TRANK1: variants seen among roughly 807,000 people sequenced by gnomAD.
The protein encoded by TRANK1 is tetratricopeptide repeat and ankyrin repeat containing 1, also known as TPR and ankyrin repeat-containing protein 1.
In TRANK1, 198 loss-of-function variants were observed where a neutral mutation model predicts 266.0. The observed-to-expected ratio is 0.74, with a 90% CI of 0.66 to 0.84. The LOEUF is 0.84. Ranked by LOEUF, TRANK1 falls within the 40% of genes least tolerant of loss-of-function variation. The pLI is 0.00. For missense variants in TRANK1, 3,326 were observed against 3,634.6 expected, an observed-to-expected ratio of 0.92 and a Z score of 2.18; for synonymous variants, 1,396 against 1,384.1, an observed-to-expected ratio of 1.01 and a Z score of -0.19.
intron 2 of TRANK1, among the ~76,000 whole-genome samples, chr3:36,905,842 T>C (rs966610930): frequency 3.3e-5 from 5 of 152,204 alleles, no homozygotes; most frequent in Non-Finnish European, 7.3e-5. Flanking sequence ...CTCAGTCCCC[T>C]TTCTCCTGCA....
intron 9 of TRANK1, among the ~76,000 whole-genome samples, chr3:36,870,010 C>A (rs888922785): frequency 6.6e-6 from 1 of 152,228 alleles, no homozygotes; most frequent in East Asian, 1.9e-4. Context: ...TAACTCTATA[C>A]AACTCTCTGG....
At chr3:36,889,710 T>G in intron 8 of TRANK1, 119 bp downstream of exon 8, 5 of 1,346,788 alleles carry the variant, frequency 3.7e-6, no homozygotes, top group Non-Finnish European at 4.8e-6. Flanking sequence ...CAAGGGGAAG[T>G]TTAGCCCTCT....
intron 15 of TRANK1, among the ~76,000 whole-genome samples, chr3:36,849,776 T>C (rs1349388762): frequency 6.6e-6 from 1 of 152,204 alleles, no homozygotes; most frequent in Non-Finnish European, 1.5e-5. Context: ...CCCTTTGGCC[T>C]GGAGGTTGTA....
At chr3:36,841,401 CG>C (rs1437917090) in intron 18 of TRANK1, among the ~76,000 whole-genome samples, 2 of 152,172 alleles carry the variant, frequency 1.3e-5, no homozygotes, top group Non-Finnish European at 2.9e-5. Context: ...TGCATGCATG[CG>C]GAACTCCAGG....
rs2079840388 is a variant in TRANK1, at chr3:36,899,254, G to A, written c.288C>T (p.Tyr96=). Residue 96 remains tyrosine, a synonymous_variant, in exon 4 of 24, where the codon TAC becomes TAT. Coordinates refer to ENST00000645898, the MANE Select transcript of TRANK1 (RefSeq NM_001329998.2). ...TCAGCAAGGAATAACCAGCTCGGTA[G>A]TATCCCTGGAACAGGATAAAAAGCA... is the stretch of plus-strand genomic sequence containing the variant. The part of the protein sequence containing the change: ...LQWDPTYVKG[Y]YRAGYSLLRL... 12 of 1,537,250 alleles carry A rather than the reference G, an allele frequency of 7.8e-6. No individual in the cohort carries two copies. The highest frequency in any genetic ancestry group is 4.9e-5 in the East Asian group (2 of 40,916).
At chr3:36,852,370 T>C (rs747247535) in intron 13 of TRANK1, 25 bp from the exon 14 acceptor site, 1 of 1,529,866 alleles carries the variant, frequency 6.5e-7, no homozygotes. Flanking sequence ...AAAACCCAAG[T>C]TGGATAATTA....
At chr3:36,900,869 A>AAAAAAAAAAAAAAAAAAAAAAAAAAAC (rs2079868266) in intron 3 of TRANK1, among the ~76,000 whole-genome samples, 1 of 125,152 alleles carries the variant, frequency 8.0e-6, no homozygotes, top group Non-Finnish European at 1.7e-5. Context: ...AAAAAAAAAA[A>AAAAAAAAAAAAAAAAAAAAAAAAAAAC]AAAAAAAGAT....
chr3:36,834,101 A>T (rs934256768), intron 21 of TRANK1, among the ~76,000 whole-genome samples, 182 bp from the exon 22 acceptor site: 1 of 152,244 alleles, frequency 6.6e-6, no homozygotes, highest in East Asian at 1.9e-4. Context: ...TGTTACCAGT[A>T]TAATAATAAT....
intron 10 of TRANK1, among the ~76,000 whole-genome samples, chr3:36,863,734 A>G (rs1260974786): frequency 6.6e-6 from 1 of 152,210 alleles, no homozygotes; most frequent in Non-Finnish European, 1.5e-5. Context: ...CAAGACTTGA[A>G]TGCTAAACTC....
At chr3:36,898,062 C>G (rs372411016) in intron 4 of TRANK1, among the ~76,000 whole-genome samples, 37 of 152,344 alleles carry the variant, frequency 2.4e-4, no homozygotes, top group East Asian at 1.5e-3. Flanking sequence ...CATGGAGCAC[C>G]CATTATCAGC....
At position 36,833,740 on chromosome 3, in the gene TRANK1, C is replaced by G. The variant is rs191082794; in HGVS notation, c.5843G>C (p.Arg1948Pro). 2 of 1,613,870 alleles carry G rather than the reference C, an allele frequency of 1.2e-6. No homozygotes were observed. Among genetic ancestry groups the G allele is most frequent in the Non-Finnish European group, 1.7e-6 (2 of 1,179,892 alleles). ...CAGCAGGTCTGCAGCTTCTGCTAAG[C>G]GTTTCCGAGACTTCAAGAACACCAG... ...DQLVFLKSRK[R>P]LAEAADLLNR... Residue 1948 changes from arginine (R) to proline (P), a missense_variant, in exon 22 of 24, where the codon CGC (arginine) becomes CCC (proline). Physicochemically the swap from Arg to Pro is moderately radical, Grantham distance 103. Coordinates refer to ENST00000645898, the MANE Select transcript of TRANK1 (RefSeq NM_001329998.2).
At chr3:36,913,473 C>T (rs944651883) in intron 1 of TRANK1, among the ~76,000 whole-genome samples, 1 of 151,544 alleles carries the variant, frequency 6.6e-6, no homozygotes, top group Non-Finnish European at 1.5e-5. Context: ...CTCCTCTCCT[C>T]TCCTCTCCTC....
chr3:36,855,485 C>T lies in TRANK1; in HGVS notation c.4237G>A (p.Val1413Ile), dbSNP rs1411777909. The T allele has an allele frequency of 1.2e-5, 19 of 1,613,842 alleles. No individual in the cohort carries two copies. Among genetic ancestry groups the T allele is most frequent in the African/African-American group, 4.0e-5 (3 of 74,912 alleles). The change falls in exon 13 of 24, where the codon GTT (valine) becomes ATT (isoleucine). Residue 1413 changes from valine to isoleucine, a missense_variant. Transcript: ENST00000645898. ...SQKGYFDEED[V>I]LYNISRRLSK... is the part of the protein sequence containing the mutation. ...AGCCTCCGGGATATGTTGTACAGAA[C>T]ATCCTCTTCATCAAAATAACCTTTC...
At chr3:36,901,392 A>G (rs1307620221) in intron 3 of TRANK1, among the ~76,000 whole-genome samples, 1 of 152,128 alleles carries the variant, frequency 6.6e-6, no homozygotes, top group Non-Finnish European at 1.5e-5. Flanking sequence ...ATCTTCCACT[A>G]CGTTCCCACA....
chr3:36,847,436 A>C, intron 15 of TRANK1, 90 bp from the exon 16 acceptor site: 7 of 1,438,534 alleles, frequency 4.9e-6, no homozygotes, highest in Non-Finnish European at 5.7e-6. Flanking sequence ...ACTAAGCCTC[A>C]TCGGGGGACC....
chr3:36,851,431 A>G, intron 15 of TRANK1: 2 of 1,138,326 alleles, frequency 1.8e-6, no homozygotes, highest in Non-Finnish European at 2.2e-6. Flanking sequence ...GGAGCCAAGG[A>G]TAACAGTGGC....
At chr3:36,885,801 T>C (rs1014689723) in intron 8 of TRANK1, among the ~76,000 whole-genome samples, 1 of 151,938 alleles carries the variant, frequency 6.6e-6, no homozygotes, top group Non-Finnish European at 1.5e-5. Flanking sequence ...TGGCCTCCCA[T>C]AGTGCTGGGA....
chr3:36,861,235 C>A (rs1036423602), intron 10 of TRANK1, 75 bp from the exon 11 acceptor site: 15 of 1,462,920 alleles, frequency 1.0e-5, no homozygotes, highest in Non-Finnish European at 9.1e-6. Context: ...CACAACCCAA[C>A]ATCCATATAT....
chr3:36,896,747 C>T lies in TRANK1; in HGVS notation c.434-989G>A, dbSNP rs2079796429. On this transcript the variant is annotated intron_variant, in intron 4 of 23. Coordinates refer to ENST00000645898, the MANE Select transcript of TRANK1 (RefSeq NM_001329998.2). Reference sequence around the variant, plus strand: ...CAGTGGCTCACACCTGTAATCTGAGCACTTTGGGAGGCCAAGGCGGGCAGA... The same window carrying T: ...CAGTGGCTCACACCTGTAATCTGAGTACTTTGGGAGGCCAAGGCGGGCAGA... Among the ~76,000 whole-genome samples the T allele has an allele frequency of 2.0e-5, 3 of 152,192 alleles. No homozygotes were observed. In the South Asian group the frequency reaches 6.2e-4, roughly 32 times the overall value.
Sources: allele counts gnomAD v4.1 joint callset (sites outside exome capture counted in the v4.1 genomes callset), GRCh38; gene constraint gnomAD v4.1.1; transcripts MANE v1.5; gene names NCBI Gene and HGNC (gene_info 2026-07-23, HGNC 2026-07-21).